Variants in CSGALNACT1 observed in about 807,000 individuals in gnomAD.
CSGALNACT1 encodes beta4GalNAcT-1.
A neutral mutation model predicts 51.0 loss-of-function variants in CSGALNACT1; 52 were observed. The observed-to-expected ratio is 1.02, with a 90% CI of 0.82 to 1.29. The LOEUF is 1.29. Ranked by LOEUF, CSGALNACT1 falls within the 50% of genes most tolerant of loss-of-function variation. The pLI is 0.00. For missense variants in CSGALNACT1, 935 were observed against 679.2 expected, an observed-to-expected ratio of 1.38 and a Z score of -4.19; for synonymous variants, 341 against 254.4, an observed-to-expected ratio of 1.34 and a Z score of -3.24.
chr8:19,646,024 G>A (rs1301353792), intron 1 of CSGALNACT1, among the ~76,000 whole-genome samples: 1 of 152,106 alleles, frequency 6.6e-6, no homozygotes, highest in African/African-American at 2.4e-5. Context: ...TTAATTAAAA[G>A]AAAAATAACA....
Position 19,406,203 on chromosome 8 carries a change from CGA to C in CSGALNACT1, c.1310-136_1310-135del, listed in dbSNP as rs1042998797. 15 of 1,031,212 alleles carry C rather than the reference CGA, an allele frequency of 1.5e-5. No homozygotes were observed. The African/African-American group carries it at 1.9e-4, about 13-fold the overall frequency. 63.9% of individuals were successfully genotyped at this position (1,031,212 alleles called of 1,614,324 possible). On this transcript the variant is annotated intron_variant, in intron 9 of 9. Coordinates refer to ENST00000454498, the Ensembl canonical transcript of CSGALNACT1. ...GCTTCACCACCACCCCTCCAAGGTA[CGA>C]GAGTGTCCACCTGGGTCAGAAGCCC... is the stretch of plus-strand genomic sequence containing the variant.
intron 6 of CSGALNACT1, 60 bp downstream of exon 5, chr8:19,439,770 G>T (rs2061002455): frequency 2.4e-6 from 3 of 1,265,796 alleles, no homozygotes; most frequent in South Asian, 2.4e-5. Flanking sequence ...TTCAGCCTTG[G>T]ATGTGTGCTT....
exon 10 of CSGALNACT1, chr8:19,405,601 C>T (rs1034647666): frequency 2.6e-5 from 22 of 852,816 alleles, no homozygotes; most frequent in Admixed American, 1.2e-4. Flanking sequence ...GCAGGCAAAG[C>T]GGAGATTTTG....
chr8:19,622,381 G>C (rs975629106), intron 1 of CSGALNACT1, among the ~76,000 whole-genome samples: 4 of 152,142 alleles, frequency 2.6e-5, no homozygotes, highest in African/African-American at 9.7e-5. Context: ...AGATCTTATT[G>C]GTTCATGAGA....
chr8:19,586,226 G>A (rs982459650), intron 3 of CSGALNACT1, among the ~76,000 whole-genome samples: 5 of 151,918 alleles, frequency 3.3e-5, no homozygotes, highest in Non-Finnish European at 5.9e-5. Context: ...ATCCGGGCGT[G>A]GTGGTGAGTG....
chr8:19,500,487 A>C (rs1027969265), intron 4 of CSGALNACT1, among the ~76,000 whole-genome samples: 1 of 152,226 alleles, frequency 6.6e-6, no homozygotes, highest in African/African-American at 2.4e-5. Context: ...GCACACTGAC[A>C]TAAGGACCCA....
intron 1 of CSGALNACT1, among the ~76,000 whole-genome samples, chr8:19,665,427 C>T (rs1444776088): frequency 6.6e-6 from 1 of 151,608 alleles, no homozygotes; most frequent in South Asian, 2.1e-4. Flanking sequence ...CCTAAGATAA[C>T]GTCCGGGGCC....
intron 1 of CSGALNACT1, among the ~76,000 whole-genome samples, chr8:19,637,494 TC>T (rs977252038): frequency 2.0e-5 from 3 of 152,180 alleles, no homozygotes; most frequent in Non-Finnish European, 4.4e-5. Context: ...TCTTGATTAT[TC>T]CCCCCGAAGG....
chr8:19,417,495 C>G (rs1298777466), intron 8 of CSGALNACT1, among the ~76,000 whole-genome samples: 1 of 152,176 alleles, frequency 6.6e-6, no homozygotes, highest in African/African-American at 2.4e-5. Flanking sequence ...CACACAAAGT[C>G]AATCCTCAAA....
intron 3 of CSGALNACT1, among the ~76,000 whole-genome samples, chr8:19,535,789 A>T (rs554395672): frequency 1.3e-5 from 2 of 152,296 alleles, no homozygotes; most frequent in Non-Finnish European, 2.9e-5. Context: ...TCCATTCACA[A>T]TTTAAAACTC....
intron 1 of CSGALNACT1, among the ~76,000 whole-genome samples, chr8:19,744,297 G>A (rs1158107200): frequency 6.6e-6 from 1 of 152,174 alleles, no homozygotes; most frequent in Non-Finnish European, 1.5e-5. Flanking sequence ...ATTTAGTCCT[G>A]TCCTCATGCT....
intron 3 of CSGALNACT1, among the ~76,000 whole-genome samples, chr8:19,553,809 A>G (rs1564020628): frequency 1.3e-5 from 2 of 151,550 alleles, no homozygotes; most frequent in African/African-American, 2.4e-5. Flanking sequence ...AAATGTAATT[A>G]TTGTTCTCAG....
chr8:19,569,669 C>T (rs2042597707), intron 3 of CSGALNACT1, among the ~76,000 whole-genome samples: 2 of 152,136 alleles, frequency 1.3e-5, no homozygotes, highest in South Asian at 4.1e-4. Context: ...CAATCTGTAA[C>T]TCTGTTTATC....
chr8:19,667,668 G>A (rs1209494224), intron 1 of CSGALNACT1, among the ~76,000 whole-genome samples: 2 of 151,034 alleles, frequency 1.3e-5, no homozygotes, highest in African/African-American at 2.5e-5. Flanking sequence ...TAAGACTAAC[G>A]TCTCTTCCTC....
At chr8:19,629,548 C>T (rs1017145331) in intron 1 of CSGALNACT1, among the ~76,000 whole-genome samples, 5 of 152,256 alleles carry the variant, frequency 3.3e-5, no homozygotes, top group African/African-American at 1.2e-4. Flanking sequence ...CGAGGCATAT[C>T]TGCCTTTACA....
chr8:19,535,797 C>T (rs1001207097), intron 3 of CSGALNACT1, among the ~76,000 whole-genome samples: 4 of 152,220 alleles, frequency 2.6e-5, no homozygotes, highest in African/African-American at 9.6e-5. Context: ...CAATTTAAAA[C>T]TCTCAGAAAA....
At chr8:19,551,132 A>G (rs1381085391) in intron 3 of CSGALNACT1, among the ~76,000 whole-genome samples, 1 of 151,868 alleles carries the variant, frequency 6.6e-6, no homozygotes, top group Admixed American at 6.5e-5. Flanking sequence ...AGAACAATGA[A>G]GAAAAAAACA....
chr8:19,468,650 G>A (rs1488505612), intron 4 of CSGALNACT1, among the ~76,000 whole-genome samples: 2 of 152,170 alleles, frequency 1.3e-5, no homozygotes, highest in Non-Finnish European at 2.9e-5. Flanking sequence ...AAAAGCTTGA[G>A]AGAATGTTGT....
At chr8:19,746,834 A>G (rs1253330869) in intron 1 of CSGALNACT1, among the ~76,000 whole-genome samples, 1 of 152,188 alleles carries the variant, frequency 6.6e-6, no homozygotes, top group East Asian at 1.9e-4. Context: ...CTTTATTCAA[A>G]GCTTTGCCAT....
Sources: allele counts gnomAD v4.1 joint callset (sites outside exome capture counted in the v4.1 genomes callset), GRCh38; gene constraint gnomAD v4.1.1; transcripts MANE v1.5; gene names NCBI Gene and HGNC (gene_info 2026-07-23, HGNC 2026-07-21).